The following CREB1 variants were observed in gnomAD, a reference collection of about 807,000 sequenced individuals.
CREB1 encodes cAMP responsive element binding protein 1.
In CREB1, 2 loss-of-function variants were observed where a neutral mutation model predicts 42.0. That is an observed-to-expected ratio of 0.05 (90% CI 0.02 to 0.15). CREB1 has a LOEUF of 0.15. Ranked by LOEUF, CREB1 falls within the 10% of genes least tolerant of loss-of-function variation. CREB1 has a pLI of 1.00. For synonymous variants in CREB1, 123 were observed against 139.9 expected (o/e 0.88, Z 0.85); for missense variants, 199 against 388.9 (o/e 0.51, Z 4.11).
chr2:207,534,332 A>C (rs1401393678), intron 1 of CREB1, among the ~76,000 whole-genome samples: 1 of 151,992 alleles, frequency 6.6e-6, no homozygotes, highest in Non-Finnish European at 1.5e-5. Context: ...TGCTTCCTGG[A>C]TTCAAGTGAT....
chr2:207,539,267 T>A (rs1382745578), intron 1 of CREB1, among the ~76,000 whole-genome samples: 1 of 150,906 alleles, frequency 6.6e-6, no homozygotes, highest in Non-Finnish European at 1.5e-5. Context: ...TTGGCCAAGC[T>A]GGTCTCGAAC....
Position 207,562,892 on chromosome 2 carries a change from G to A in CREB1, c.261+2520G>A, listed in dbSNP as rs187579247. 3.9e-5 allele frequency among the ~76,000 whole-genome samples: 6 copies of A among 152,188 alleles called. No homozygotes were observed. In the East Asian group the frequency reaches 1.2e-3, roughly 29 times the overall value. ...TCATTCCTACAACAAATGTTTATTG[G>A]TGACATGCTATGTCACTGTTCTGCT... On this transcript the variant is annotated intron_variant, in intron 3 of 7. Transcript: ENST00000353267.
chr2:207,535,142 A>T (rs1362653548), intron 1 of CREB1, among the ~76,000 whole-genome samples: 1 of 152,202 alleles, frequency 6.6e-6, no homozygotes, highest in Non-Finnish European at 1.5e-5. Flanking sequence ...AAAACTTTCT[A>T]TTTGAATGAA....
intron 7 of CREB1, among the ~76,000 whole-genome samples, chr2:207,593,228 T>G (rs958849273): frequency 6.6e-6 from 1 of 152,166 alleles, no homozygotes; most frequent in Non-Finnish European, 1.5e-5. Flanking sequence ...TTAGTCATAC[T>G]TAAAATTTGT....
intron 7 of CREB1, among the ~76,000 whole-genome samples, chr2:207,592,934 G>A (rs1286770722): frequency 4.0e-5 from 1 of 24,836 alleles, no homozygotes; most frequent in Non-Finnish European, 8.0e-5. Flanking sequence ...AAAATTCTCA[G>A]ATATACTTTC....
chr2:207,587,111 G>C (rs1220580018), intron 7 of CREB1, among the ~76,000 whole-genome samples: 4 of 152,084 alleles, frequency 2.6e-5, no homozygotes, highest in Non-Finnish European at 4.4e-5. Context: ...AAAACTAAAA[G>C]GGCCAGGCGT....
intron 7 of CREB1, chr2:207,580,823 T>C: frequency 4.5e-6 from 1 of 222,004 alleles, no homozygotes; most frequent in Non-Finnish European, 9.0e-6. Context: ...CTCTCCTTCA[T>C]GTGCCCATCT....
chr2:207,592,438 T>C (rs887997507), intron 7 of CREB1, among the ~76,000 whole-genome samples: 1 of 151,538 alleles, frequency 6.6e-6, no homozygotes, highest in Non-Finnish European at 1.5e-5. Context: ...TTTTTTCTTA[T>C]GATTTAAATG....
At position 207,538,264 on chromosome 2, in the gene CREB1, A is replaced by G. The variant is rs371830260; in HGVS notation, c.-9+8130A>G. ...AAAACGTATTCTGGCGTTTATTCCA[A>G]CAGATGAGAAGGCAGTTTCTCCAGT... On this transcript the variant is annotated intron_variant, in intron 1 of 7. Transcript: ENST00000353267. 7.9e-5 allele frequency among the ~76,000 whole-genome samples: 12 copies of G among 152,048 alleles called. No homozygotes were observed. In the East Asian group the frequency reaches 1.7e-3, roughly 22 times the overall value.
chr2:207,531,749 A>T (rs1260695094), intron 1 of CREB1, among the ~76,000 whole-genome samples: 2 of 152,214 alleles, frequency 1.3e-5, no homozygotes, highest in Non-Finnish European at 2.9e-5. Flanking sequence ...TTGCATTGTG[A>T]TTGATACGTA....
chr2:207,555,098 C>T (rs369674051), intron 1 of CREB1, among the ~76,000 whole-genome samples: 7 of 152,200 alleles, frequency 4.6e-5, no homozygotes, highest in African/African-American at 1.2e-4. Context: ...GGGCTTGAAA[C>T]GGGCTGATTT....
At position 207,600,115 on chromosome 2, in the gene CREB1, A is replaced by T. The variant is rs964017958; in HGVS notation, c.*3057A>T. 5.4e-6 allele frequency: 1 copy of T among 184,524 alleles called. No individual in the cohort carries two copies. The highest frequency in any genetic ancestry group is 1.1e-5 in the Non-Finnish European group (1 of 87,182). The allele number at this position is 184,524 out of a possible 1,614,324, so 11.4% of individuals were successfully genotyped here. A position where few individuals can be genotyped will look rare whatever the true frequency, so the allele number is the denominator to read the frequency against. ...TTCATTATTAAATAATTGCTATCAGATACAATTTTAAGTTCATTCTTTTTC... is the reference window on the plus strand; with the variant it reads ...TTCATTATTAAATAATTGCTATCAGTTACAATTTTAAGTTCATTCTTTTTC... On this transcript the variant is annotated 3_prime_UTR_variant, in exon 8 of 8. Transcript: ENST00000353267.
At chr2:207,584,005 T>A (rs975503300) in intron 7 of CREB1, among the ~76,000 whole-genome samples, 1 of 152,248 alleles carries the variant, frequency 6.6e-6, no homozygotes, top group African/African-American at 2.4e-5. Flanking sequence ...GTTGCATGAA[T>A]CAGTAGTTGG....
intron 1 of CREB1, among the ~76,000 whole-genome samples, chr2:207,537,635 G>A (rs1029150792): frequency 1.3e-5 from 2 of 152,196 alleles, no homozygotes; most frequent in Non-Finnish European, 2.9e-5. Context: ...AGTAGAAGGT[G>A]TGGTTTTATC....
chr2:207,558,634 A>G (rs897330496), intron 2 of CREB1, among the ~76,000 whole-genome samples: 2 of 147,392 alleles, frequency 1.4e-5, no homozygotes, highest in Non-Finnish European at 3.0e-5. Context: ...TCACACTGCC[A>G]CTAAAGTGAT....
chr2:207,582,455 CT>C, intron 7 of CREB1, among the ~76,000 whole-genome samples: 1 of 152,254 alleles, frequency 6.6e-6, no homozygotes, highest in South Asian at 2.1e-4. Flanking sequence ...CAGACACATA[CT>C]TTGGGAGTTA....
At chr2:207,549,677 G>A (rs780312133) in intron 1 of CREB1, among the ~76,000 whole-genome samples, 4 of 151,944 alleles carry the variant, frequency 2.6e-5, no homozygotes, top group Non-Finnish European at 5.9e-5. Flanking sequence ...AATCGAGACC[G>A]TCCTGGCTAA....
At chr2:207,561,880 C>G (rs867123866) in intron 3 of CREB1, among the ~76,000 whole-genome samples, 2 of 152,164 alleles carry the variant, frequency 1.3e-5, no homozygotes, top group Admixed American at 1.3e-4. Context: ...TATTAACCAC[C>G]TCTACTTCAT....
Position 207,577,721 on chromosome 2 carries a change from T to C in CREB1, c.839+66T>C, listed in dbSNP as rs757587579. 40 of 1,546,354 alleles carry C rather than the reference T, an allele frequency of 2.6e-5. No individual in the cohort carries two copies. In the Admixed American group the frequency reaches 6.4e-4, roughly 25 times the overall value. ...GTGTCTTCACATTCTGCTGGATGTG[T>C]ATCTTTACATCTACTGGTAATAGGA... On this transcript the variant is annotated intron_variant, in intron 7 of 7. Transcript: ENST00000353267.
Sources: gnomAD v4.1 joint callset for allele counts (sites outside exome capture counted in the v4.1 genomes callset) on GRCh38, gnomAD v4.1.1 for gene constraint, MANE v1.5 for transcripts, NCBI Gene and HGNC (gene_info 2026-07-23, HGNC 2026-07-21) for gene names.